The following BCKDHB variants were observed in gnomAD, a reference collection of about 807,000 sequenced individuals.
BCKDHB encodes branched chain keto acid dehydrogenase E1 subunit beta.
A neutral mutation model predicts 48.5 loss-of-function variants in BCKDHB; 41 were observed. That is an observed-to-expected ratio of 0.85 (90% CI 0.66 to 1.10). The LOEUF (loss-of-function observed/expected upper bound fraction) is 1.10, where lower values mean the gene tolerates loss of function less well. Ranked by LOEUF, BCKDHB falls within the 50% of genes least tolerant of loss-of-function variation. The pLI is 0.00. For synonymous variants in BCKDHB, 201 were observed against 174.8 expected (o/e 1.15, Z -1.18); for missense variants, 496 against 494.2 (o/e 1.00, Z -0.03).
At chr6:80,175,557 A>G (rs1425470946) in intron 6 of BCKDHB, among the ~76,000 whole-genome samples, 3 of 152,224 alleles carry the variant, frequency 2.0e-5, no homozygotes, top group Non-Finnish European at 4.4e-5. Flanking sequence ...TTGGAGATAC[A>G]TTGGCAAAAA....
At chr6:80,126,570 C>T (rs1248794439) in intron 1 of BCKDHB, among the ~76,000 whole-genome samples, 2 of 152,120 alleles carry the variant, frequency 1.3e-5, no homozygotes, top group Non-Finnish European at 2.9e-5. Context: ...TATCAGCATG[C>T]TGTGGGTTAA....
chr6:80,380,019 T>A, the BCKDHB span, among the ~76,000 whole-genome samples: 1 of 152,062 alleles, frequency 6.6e-6, no homozygotes, highest in Non-Finnish European at 1.5e-5. Context: ...CCCAAAGCAA[T>A]CTACAGATTC....
chr6:80,425,493 A>G, the BCKDHB span, among the ~76,000 whole-genome samples: 1 of 152,184 alleles, frequency 6.6e-6, no homozygotes, highest in African/African-American at 2.4e-5. Flanking sequence ...TGTGGTCAGG[A>G]AAGGAATTAC....
At chr6:80,153,552 T>C (rs1462460407) in intron 3 of BCKDHB, among the ~76,000 whole-genome samples, 2 of 152,120 alleles carry the variant, frequency 1.3e-5, no homozygotes, top group African/African-American at 2.4e-5. Flanking sequence ...TCAGTGCCAA[T>C]TGTCAGGGGA....
At chr6:80,115,958 A>C (rs1036342369) in intron 1 of BCKDHB, among the ~76,000 whole-genome samples, 1 of 152,208 alleles carries the variant, frequency 6.6e-6, no homozygotes, top group Admixed American at 6.5e-5. Flanking sequence ...ATCAATAACT[A>C]GGCAGTACAG....
the BCKDHB span, among the ~76,000 whole-genome samples, chr6:80,363,480 T>C: frequency 6.6e-6 from 1 of 152,222 alleles, no homozygotes; most frequent in Non-Finnish European, 1.5e-5. Context: ...TCTGAAATCC[T>C]ATGAGTCTTT....
At chr6:80,161,214 G>C (rs1772299553) in intron 3 of BCKDHB, among the ~76,000 whole-genome samples, 1 of 152,054 alleles carries the variant, frequency 6.6e-6, no homozygotes, top group South Asian at 2.1e-4. Flanking sequence ...TTAAAAGATA[G>C]GAATTTCAAC....
At chr6:80,402,023 T>C in the BCKDHB span, among the ~76,000 whole-genome samples, 1 of 151,852 alleles carries the variant, frequency 6.6e-6, no homozygotes, top group Non-Finnish European at 1.5e-5. Context: ...CACTGATTGA[T>C]ATTTAAGCTG....
chr6:80,122,969 T>G (rs1161522876), intron 1 of BCKDHB, among the ~76,000 whole-genome samples: 2 of 40,712 alleles, frequency 4.9e-5, no homozygotes, highest in Non-Finnish European at 5.5e-5. Context: ...CTTCCCCCCC[T>G]CCCCCCCGGC....
At chr6:80,128,542 C>T (rs1247085823) in intron 2 of BCKDHB, among the ~76,000 whole-genome samples, 1 of 152,122 alleles carries the variant, frequency 6.6e-6, no homozygotes, top group African/African-American at 2.4e-5. Context: ...TTCGTGCTTG[C>T]CTCCTTTCTG....
chr6:80,426,694 C>A, the BCKDHB span, among the ~76,000 whole-genome samples: 9 of 152,142 alleles, frequency 5.9e-5, no homozygotes, highest in South Asian at 4.1e-4. Context: ...ACACTTTATA[C>A]AAATTTAATC....
chr6:80,460,797 T>G, the BCKDHB span, among the ~76,000 whole-genome samples: 2 of 152,162 alleles, frequency 1.3e-5, no homozygotes, highest in African/African-American at 2.4e-5. Context: ...AAGTGGACAC[T>G]TTTTAGACCT....
At chr6:80,286,461 A>C (rs1766631967) in intron 9 of BCKDHB, among the ~76,000 whole-genome samples, 1 of 152,216 alleles carries the variant, frequency 6.6e-6, no homozygotes, top group South Asian at 2.1e-4. Flanking sequence ...TAATAATATA[A>C]AGCAGCATTA....
chr6:80,262,900 T>C (rs1777363085), intron 8 of BCKDHB, among the ~76,000 whole-genome samples: 2 of 152,160 alleles, frequency 1.3e-5, no homozygotes, highest in Non-Finnish European at 2.9e-5. Flanking sequence ...AGAAACATGT[T>C]ACTGTTATAG....
chr6:80,389,764 A>T, the BCKDHB span, among the ~76,000 whole-genome samples: 1 of 152,156 alleles, frequency 6.6e-6, no homozygotes, highest in Non-Finnish European at 1.5e-5. Context: ...TGACAATACG[A>T]TGCAGGGCTG....
intron 8 of BCKDHB, among the ~76,000 whole-genome samples, chr6:80,222,279 C>T (rs1041667912): frequency 1.9e-4 from 29 of 152,192 alleles, no homozygotes; most frequent in Non-Finnish European, 2.9e-5. Flanking sequence ...TATGACAAAG[C>T]TGGCAAATCA....
chr6:80,167,965 G>T (rs1349634207), intron 4 of BCKDHB, among the ~76,000 whole-genome samples, 154 bp downstream of exon 4: 1 of 152,064 alleles, frequency 6.6e-6, no homozygotes, highest in Non-Finnish European at 1.5e-5. Context: ...TATATTTAAA[G>T]ATCTAATAGA....
In BCKDHB at chr6:80,250,459, C is replaced by T. The variant is rs71565085; in HGVS notation, c.952-22676C>T. ...GAGGCCAATTCCTACCTTCCCAAAC[C>T]GTGATCACAGCCCTTGATTGACAGA... On this transcript the variant is annotated intron_variant, in intron 8 of 9. Transcript: ENST00000320393. Among the ~76,000 whole-genome samples, 1,463 of 152,186 alleles carry T rather than the reference C, an allele frequency of 9.6e-3. 13 individuals are homozygous for T. The highest frequency in any genetic ancestry group is 0.015 in the Non-Finnish European group (1,045 of 68,020).
At chr6:80,438,012 C>T in the BCKDHB span, among the ~76,000 whole-genome samples, 5,288 of 152,172 alleles carry the variant, frequency 0.035, 319 homozygotes, top group African/African-American at 0.12. Context: ...ATGTGGATGT[C>T]GCTTATTACG....
Sources: allele counts gnomAD v4.1 joint callset (sites outside exome capture counted in the v4.1 genomes callset), GRCh38; gene constraint gnomAD v4.1.1; transcripts MANE v1.5; gene names NCBI Gene and HGNC (gene_info 2026-07-23, HGNC 2026-07-21).